FHIT: variants seen among roughly 807,000 people sequenced by gnomAD.
FHIT encodes bis(5'-adenosyl)-triphosphatase.
A neutral mutation model predicts 17.9 loss-of-function variants in FHIT; 19 were observed. The observed-to-expected ratio is 1.06, with a 90% confidence interval of 0.74 to 1.56. FHIT has a LOEUF of 1.56. Among genes scored for constraint, FHIT ranks in the 40% most tolerant of loss-of-function variants. The pLI, the probability that FHIT is intolerant of heterozygous loss-of-function variation, is 0.00. For missense variants in FHIT, 248 were observed against 189.2 expected (o/e 1.31, Z -1.82); for synonymous variants, 81 against 69.7 (o/e 1.16, Z -0.81).
intron 4 of FHIT, among the ~76,000 whole-genome samples, chr3:60,748,200 G>C (rs1289279212): frequency 6.6e-6 from 1 of 152,136 alleles, no homozygotes; most frequent in Non-Finnish European, 1.5e-5. Context: ...TAAGAAGGAA[G>C]TTTGCAGGCA....
intron 1 of FHIT, among the ~76,000 whole-genome samples, chr3:61,250,863 G>C (rs1262864784): frequency 6.6e-6 from 1 of 152,176 alleles, no homozygotes; most frequent in Non-Finnish European, 1.5e-5. Flanking sequence ...GTTTGCTCCT[G>C]TCCTGGGCAC....
intron 5 of FHIT, among the ~76,000 whole-genome samples, chr3:60,358,207 C>T (rs188734666): frequency 2.0e-5 from 3 of 152,318 alleles, no homozygotes; most frequent in South Asian, 4.1e-4. Context: ...GCACTTAATA[C>T]ATATTTGTGA....
intron 7 of FHIT, among the ~76,000 whole-genome samples, chr3:59,944,617 C>T (rs150965105): frequency 2.6e-5 from 4 of 151,832 alleles, no homozygotes; most frequent in Non-Finnish European, 4.4e-5. Context: ...AATATTTTTT[C>T]ATCACCCAGG....
intron 4 of FHIT, among the ~76,000 whole-genome samples, chr3:60,716,370 T>C (rs2041683423): frequency 6.6e-6 from 1 of 152,158 alleles, no homozygotes; most frequent in African/African-American, 2.4e-5. Context: ...TAAGCTTTTT[T>C]ATATTTTTAA....
intron 7 of FHIT, among the ~76,000 whole-genome samples, chr3:59,971,260 A>C (rs758114168): frequency 6.6e-5 from 10 of 152,112 alleles, no homozygotes; most frequent in Non-Finnish European, 1.3e-4. Context: ...GGGAATACGA[A>C]ATCTTTGATT....
chr3:60,907,538 G>A (rs1250933691), intron 3 of FHIT, among the ~76,000 whole-genome samples: 2 of 152,180 alleles, frequency 1.3e-5, no homozygotes, highest in African/African-American at 4.8e-5. Context: ...GAATATATTA[G>A]ATTACATATC....
chr3:60,831,713 C>T (rs1482772151), intron 3 of FHIT, among the ~76,000 whole-genome samples: 1 of 151,952 alleles, frequency 6.6e-6, no homozygotes, highest in African/African-American at 2.4e-5. Context: ...ATGAGGGAGA[C>T]ACCACATAAG....
intron 5 of FHIT, among the ~76,000 whole-genome samples, chr3:60,501,598 C>G (rs1239351018): frequency 1.2e-4 from 18 of 152,192 alleles, no homozygotes. Flanking sequence ...CTCCTACGCT[C>G]AACTTTTGAA....
intron 5 of FHIT, among the ~76,000 whole-genome samples, chr3:60,201,716 A>G (rs552845389): frequency 2.0e-5 from 3 of 152,120 alleles, no homozygotes; most frequent in Non-Finnish European, 4.4e-5. Flanking sequence ...AACCTATCTC[A>G]TAACTTTTTT....
intron 8 of FHIT, among the ~76,000 whole-genome samples, chr3:59,805,111 TG>T (rs1187477428): frequency 6.6e-6 from 1 of 152,076 alleles, no homozygotes; most frequent in Non-Finnish European, 1.5e-5. Flanking sequence ...GGAGGCTGTA[TG>T]GGGCACGGAA....
chr3:60,908,399 T>G lies in FHIT; in HGVS notation c.-110-86388A>C, dbSNP rs550035460. On this transcript the variant is annotated intron_variant, in intron 3 of 9. Coordinates refer to ENST00000492590, the MANE Select transcript of FHIT (RefSeq NM_002012.4). ...AAATGCCATTATAGAGCAGTCCATT[T>G]CCTCAGTAGGTAGCCCCAAAAGACC... 5.3e-5 allele frequency among the ~76,000 whole-genome samples: 8 copies of G among 152,288 alleles called. No homozygotes were observed. The South Asian group carries it at 1.7e-3, about 32-fold the overall frequency.
chr3:60,278,302 A>G (rs1408489269), intron 5 of FHIT, among the ~76,000 whole-genome samples: 14 of 152,170 alleles, frequency 9.2e-5, no homozygotes, highest in Non-Finnish European at 4.4e-5. Flanking sequence ...CTCTGTAAGA[A>G]AGACACGTCC....
chr3:60,531,275 T>G (rs1344981444), intron 5 of FHIT, among the ~76,000 whole-genome samples: 1 of 384 alleles, frequency 2.6e-3, no homozygotes. Flanking sequence ...AAAAGAACTC[T>G]TTTTTTTTTT....
chr3:60,525,198 T>C (rs184755162), intron 5 of FHIT, among the ~76,000 whole-genome samples: 1 of 152,286 alleles, frequency 6.6e-6, no homozygotes, highest in East Asian at 1.9e-4. Context: ...ATCCTTACAT[T>C]GATACTTTGT....
At chr3:60,195,737 G>A (rs1702612342) in intron 5 of FHIT, among the ~76,000 whole-genome samples, 1 of 151,000 alleles carries the variant, frequency 6.6e-6, no homozygotes, top group African/African-American at 2.4e-5. Context: ...AACTTTCATG[G>A]AACTGGAGGC....
chr3:60,180,080 G>A lies in FHIT; in HGVS notation c.104-165928C>T, dbSNP rs1426558012. On this transcript the variant is annotated intron_variant, in intron 5 of 9. Coordinates refer to ENST00000492590, the MANE Select transcript of FHIT (RefSeq NM_002012.4). The stretch of plus-strand genomic sequence containing the variant: ...GTAACCACACAAACTGGGACAAGCA[G>A]CCTCTGGAGAGCATGGAGAGCAGTG... 2.0e-5 allele frequency among the ~76,000 whole-genome samples: 3 copies of A among 152,152 alleles called. No homozygotes were observed. The East Asian group carries it at 5.8e-4, about 29-fold the overall frequency.
intron 5 of FHIT, among the ~76,000 whole-genome samples, chr3:60,027,138 C>CAAAAA (rs1320133940): frequency 4.2e-5 from 5 of 119,778 alleles, no homozygotes; most frequent in Admixed American, 7.7e-5. Context: ...CACACACACA[C>CAAAAA]ACACACACAC....
intron 5 of FHIT, among the ~76,000 whole-genome samples, chr3:60,410,197 C>T (rs1702012772): frequency 1.3e-5 from 2 of 152,150 alleles, no homozygotes; most frequent in Non-Finnish European, 2.9e-5. Flanking sequence ...TCAGGCATTT[C>T]TGCCAAAGCT....
At chr3:60,624,310 A>G (rs1248152792) in intron 4 of FHIT, among the ~76,000 whole-genome samples, 2 of 152,210 alleles carry the variant, frequency 1.3e-5, no homozygotes, top group Non-Finnish European at 2.9e-5. Context: ...TTGGGCTTCA[A>G]CTTGACAATG....
Sources: allele counts gnomAD v4.1 joint callset (sites outside exome capture counted in the v4.1 genomes callset), GRCh38; gene constraint gnomAD v4.1.1; transcripts MANE v1.5; gene names NCBI Gene and HGNC (gene_info 2026-07-23, HGNC 2026-07-21).